BRF2: variants seen among roughly 807,000 people sequenced by gnomAD.
BRF2 encodes the protein transcription factor IIIB 50 kDa subunit.
BRF2 carries 17 observed loss-of-function variants against 26.6 expected under a neutral mutation model. The ratio of observed to expected loss-of-function variants is 0.64; its 90% CI spans 0.44 to 0.96. BRF2 has a LOEUF of 0.96. BRF2 is among the 40% of genes least tolerant of loss of function. The pLI, the probability that BRF2 is intolerant of heterozygous loss-of-function variation, is 0.00. For synonymous variants in BRF2, 219 were observed against 226.6 expected (o/e 0.97, Z 0.30); for missense variants, 515 against 537.0 (o/e 0.96, Z 0.40).
In BRF2 at chr8:37,844,676, C is replaced by A; in HGVS notation, c.1074G>T (p.Leu358Phe). 2.5e-6 allele frequency: 4 copies of A among 1,614,088 alleles called. No homozygotes were observed. Among genetic ancestry groups the A allele is most frequent in the Non-Finnish European group, 3.4e-6 (4 of 1,180,032 alleles). ...TCGGGGACTTCAACATGCAGGGTGG[C>A]AAGAGAAGGGCAGGACTGGCCGGCC... ...GKRPASPALL[L>F]PPCMLKSPKR... Residue 358 changes from leucine to phenylalanine, a missense_variant, in exon 4 of 4, where the codon TTG becomes TTT. Transcript: ENST00000220659.
At position 37,848,637 on chromosome 8, in the gene BRF2, C is replaced by T. The variant is rs1163488885; in HGVS notation, c.173G>A (p.Ser58Asn). The T allele has an allele frequency of 6.2e-7, 1 of 1,613,914 alleles. No individual in the cohort carries two copies. The highest frequency in any genetic ancestry group is 8.5e-7 in the Non-Finnish European group (1 of 1,179,878). ...ACTAACTTGTTCGTTTTCCCCTGTG[C>T]TTCGGGAATATGTTACCTCTGTAAG... ...GNLREVTYSR[S>N]TGENEQVSRS... The change falls in exon 2 of 4, where the codon AGC (serine) becomes AAC (asparagine). Residue 58 changes from serine (S) to asparagine (N), a missense_variant. Coordinates refer to ENST00000220659, the MANE Select transcript of BRF2 (RefSeq NM_018310.4).
In BRF2 at chr8:37,844,270, C is replaced by A; in HGVS notation, c.*220G>T. The A allele has an allele frequency of 1.7e-6, 1 of 575,698 alleles. No homozygotes were observed. The highest frequency in any genetic ancestry group is 3.1e-6 in the Non-Finnish European group (1 of 322,206). The allele number at this position is 575,698 out of a possible 1,614,324, so 35.7% of individuals were successfully genotyped here. On this transcript the variant is annotated 3_prime_UTR_variant, in exon 4 of 4. Coordinates refer to ENST00000220659, the MANE Select transcript of BRF2 (RefSeq NM_018310.4). ...ACAGAACATGGACATAGGCAACTTG[C>A]TCTCCCACACCAAGGGATGGGAATC...
intron 3 of BRF2, among the ~76,000 whole-genome samples, chr8:37,846,356 G>C (rs148782318): frequency 6.6e-6 from 1 of 151,676 alleles, no homozygotes; most frequent in African/African-American, 2.4e-5. Context: ...TCAAAAAAAA[G>C]AAAATTATAG....
Position 37,845,536 on chromosome 8 carries a change from G to C in BRF2, c.537-323C>G, listed in dbSNP as rs551529553. The C allele has an allele frequency of 6.9e-5, 42 of 606,884 alleles. No homozygotes were observed. In the African/African-American group the frequency reaches 7.2e-4, roughly 10 times the overall value. The allele number at this position is 606,884 out of a possible 1,614,324, so 37.6% of individuals were successfully genotyped here. A position where few individuals can be genotyped will look rare whatever the true frequency, so the allele number is the denominator to read the frequency against. ...TGTATAGTTAAAAAACTTTCCCATA[G>C]TCATCCAGCCAGGCAGTAACCAAGC... On this transcript the variant is annotated intron_variant, in intron 3 of 3. Transcript: ENST00000220659.
rs772766208 is a variant in BRF2 at position 37,844,825 on chromosome 8, G to A, written c.925C>T (p.Arg309Cys). ...DLLQHRQSLV[R>C]SAFRDGTAEV... ...GCTGTCCCATCCCGAAAGGCAGAGCGGACCAGTGACTGGCGGTGCTGGAGA... is the reference window on the plus strand; with the variant it reads ...GCTGTCCCATCCCGAAAGGCAGAGCAGACCAGTGACTGGCGGTGCTGGAGA... The change falls in exon 4 of 4, where the codon CGC becomes TGC. Residue 309 changes from arginine (R) to cysteine (C), a missense_variant. Coordinates refer to ENST00000220659, the MANE Select transcript of BRF2 (RefSeq NM_018310.4). 2.4e-5 allele frequency: 39 copies of A among 1,613,974 alleles called. No individual in the cohort carries two copies. The highest frequency in any genetic ancestry group is 2.2e-4 in the Admixed American group (13 of 60,006).
chr8:37,844,896 A>G lies in BRF2; in HGVS notation c.854T>C (p.Val285Ala). ...RMAEQLAWLR[V>A]LRLDKRSVVK... ...CACAGACCGTTTGTCAAGTCTCAGA[A>G]CTCGTAACCAGGCCAGCTGCTCAGC... is the stretch of plus-strand genomic sequence containing the variant. Residue 285 changes from valine (V) to alanine (A), a missense_variant, in exon 4 of 4, where the codon GTT becomes GCT. By Grantham distance (64) the Val-to-Ala change is moderately conservative (BLOSUM62 0). Transcript: ENST00000220659. The G allele has an allele frequency of 6.2e-7, 1 of 1,614,048 alleles. No individual in the cohort carries two copies. Among genetic ancestry groups the G allele is most frequent in the Non-Finnish European group, 8.5e-7 (1 of 1,180,002 alleles).
Position 37,846,709 on chromosome 8 carries a change from G to A in BRF2, c.536+145C>T, listed in dbSNP as rs1297426906. On this transcript the variant is annotated intron_variant, in intron 3 of 3. Transcript: ENST00000220659. Reference sequence around the variant, plus strand: ...TTGAACCCCGGAGGCGGAGGTTGCAGTGAGCTGAGATCGTGCCACTGCACT... The same window carrying A: ...TTGAACCCCGGAGGCGGAGGTTGCAATGAGCTGAGATCGTGCCACTGCACT... 5 of 673,444 alleles carry A rather than the reference G, an allele frequency of 7.4e-6. No individual in the cohort carries two copies. In the Admixed American group the frequency reaches 9.6e-5, roughly 13 times the overall value. The allele number at this position is 673,444 out of a possible 1,614,324, so 41.7% of individuals were successfully genotyped here. A position where few individuals can be genotyped will look rare whatever the true frequency, so the allele number is the denominator to read the frequency against.
chr8:37,848,781 C>G (rs370174664), intron 1 of BRF2, 126 bp from the exon 2 acceptor site: 6 of 761,936 alleles, frequency 7.9e-6, no homozygotes, highest in Non-Finnish European at 1.4e-5. Flanking sequence ...AGTTAAAGGC[C>G]CCATCTGGTT....
rs572768547 is a variant in BRF2, at chr8:37,846,898, C to T, written c.492G>A (p.Val164=). 1.2e-6 allele frequency: 2 copies of T among 1,614,074 alleles called. No individual in the cohort carries two copies. The highest frequency in any genetic ancestry group is 1.3e-5 in the African/African-American group (1 of 75,056). ...MQIVKLLGLD[V]PSLCLAELVK... ...CCAGTTCTGCCAAGCACAGAGATGGCACATCCAGTCCCAGGAGCTTCACTA... is the reference window on the plus strand; with the variant it reads ...CCAGTTCTGCCAAGCACAGAGATGGTACATCCAGTCCCAGGAGCTTCACTA... The change falls in exon 3 of 4, where the codon GTG becomes GTA. Residue 164 remains valine (V), a synonymous_variant. Transcript: ENST00000220659.
rs553500249 is a variant in BRF2 at position 37,845,945 on chromosome 8, T to C, written c.537-732A>G. On this transcript the variant is annotated intron_variant, in intron 3 of 3. Transcript: ENST00000220659. ...CACAGCACAACTCTAGGAACTGCCA[T>C]GCACAGAGCACAAAACATGAGTGGT... Among the ~76,000 whole-genome samples the C allele has an allele frequency of 3.7e-4, 57 of 152,340 alleles. 2 individuals carry two copies. In the South Asian group the frequency reaches 0.011, roughly 29 times the overall value.
At position 37,843,905 on chromosome 8, in the gene BRF2, C is replaced by T. The variant is rs1805894191; in HGVS notation, c.*585G>A. On this transcript the variant is annotated 3_prime_UTR_variant, in exon 4 of 4. Coordinates refer to ENST00000220659, the MANE Select transcript of BRF2 (RefSeq NM_018310.4). ...TGTTTTTAAGAACTCGGGTTTTATA[C>T]AATAGAATGTTTTCTAGCAGATGCC... 1 of 153,002 alleles carries T rather than the reference C, an allele frequency of 6.5e-6. No homozygotes were observed. The highest frequency in any genetic ancestry group is 2.1e-4 in the South Asian group (1 of 4,864). 9.5% of individuals were successfully genotyped at this position (153,002 alleles called of 1,614,324 possible).
At chr8:37,845,257 C>G (rs1377345654) in intron 3 of BRF2, 44 bp from the exon 4 acceptor site, 1 of 1,515,752 alleles carries the variant, frequency 6.6e-7, no homozygotes, top group African/African-American at 1.4e-5. Flanking sequence ...GATATAGGGG[C>G]TGCTCTCCCA....
intron 1 of BRF2, among the ~76,000 whole-genome samples, chr8:37,849,265 G>C (rs955585874): frequency 2.0e-5 from 3 of 152,184 alleles, no homozygotes; most frequent in Admixed American, 6.5e-5. Flanking sequence ...CAGAAACTTG[G>C]AAAGCAAAGA....
intron 3 of BRF2, 77 bp from the exon 4 acceptor site, chr8:37,845,290 C>A: frequency 8.7e-7 from 1 of 1,143,608 alleles, no homozygotes; most frequent in South Asian, 1.4e-5. Context: ...ACAGCCCACT[C>A]AAGATGGGGA....
rs765209078 is a variant in BRF2 at position 37,844,443 on chromosome 8, G to C, written c.*47C>G. The stretch of plus-strand genomic sequence containing the variant: ...TTCCATCCTTGGTTATAACAGGAAT[G>C]TTATCAAGCTGTCAGAACAGGATGA... On this transcript the variant is annotated 3_prime_UTR_variant, in exon 4 of 4. Coordinates refer to ENST00000220659, the MANE Select transcript of BRF2 (RefSeq NM_018310.4). 1 of 1,589,360 alleles carries C rather than the reference G, an allele frequency of 6.3e-7. No homozygotes were observed. Among genetic ancestry groups the C allele is most frequent in the Non-Finnish European group, 8.6e-7 (1 of 1,166,136 alleles).
rs1805870169 is a variant in BRF2, at chr8:37,843,327, G to A, written c.*1163C>T. 1 of 152,238 alleles carries A rather than the reference G, an allele frequency of 6.6e-6. No individual in the cohort carries two copies. Among genetic ancestry groups the A allele is most frequent in the South Asian group, 2.1e-4 (1 of 4,828 alleles). The allele number at this position is 152,238 out of a possible 1,614,324, so 9.4% of individuals were successfully genotyped here. Reference sequence around the variant, plus strand: ...CTTCCTTGCCTCCGTAAGGCCAGAGGAAGAACCATCCCAATCATTTGATCT... The same window carrying A: ...CTTCCTTGCCTCCGTAAGGCCAGAGAAAGAACCATCCCAATCATTTGATCT... On this transcript the variant is annotated 3_prime_UTR_variant, in exon 4 of 4. Coordinates refer to ENST00000220659, the MANE Select transcript of BRF2 (RefSeq NM_018310.4).
chr8:37,849,423 C>T (rs1262145338), intron 1 of BRF2, among the ~76,000 whole-genome samples: 1 of 152,214 alleles, frequency 6.6e-6, no homozygotes, highest in Non-Finnish European at 1.5e-5. Flanking sequence ...ATTTATTACA[C>T]GCACCATCTA....
chr8:37,846,974 C>G lies in BRF2; in HGVS notation c.416G>C (p.Cys139Ser). The G allele has an allele frequency of 6.2e-7, 1 of 1,614,216 alleles. No individual in the cohort carries two copies. Among genetic ancestry groups the G allele is most frequent in the South Asian group, 1.1e-5 (1 of 91,090 alleles). Residue 139 changes from cysteine to serine, a missense_variant, in exon 3 of 4, where the codon TGC becomes TCC. Transcript: ENST00000220659. The part of the protein sequence containing the change: ...HNWPLTMGAI[C>S]TLLYADLDVF... ...ATCCAAATCTGCATACAACAGCGTG[C>G]AGATGGCCCCCATTGTTAGGGGCCA...
chr8:37,847,374 C>T (rs1346775873), intron 2 of BRF2, 199 bp from the exon 3 acceptor site: 1 of 682,874 alleles, frequency 1.5e-6, no homozygotes, highest in Admixed American at 2.0e-5. Flanking sequence ...GTAAAGAAGT[C>T]ACATTTCAGC....
Sources: allele counts gnomAD v4.1 joint callset (sites outside exome capture counted in the v4.1 genomes callset), GRCh38; gene constraint gnomAD v4.1.1; transcripts MANE v1.5; gene names NCBI Gene and HGNC (gene_info 2026-07-23, HGNC 2026-07-21).